KYAT3: variants seen among roughly 807,000 people sequenced by gnomAD.
KYAT3 encodes the protein kynurenine--oxoglutarate transaminase 3.
A neutral mutation model predicts 59.0 loss-of-function variants in KYAT3; 50 were observed. The ratio of observed to expected loss-of-function variants is 0.85; its 90% CI spans 0.68 to 1.07. KYAT3 has a LOEUF of 1.07. Among genes scored for constraint, KYAT3 ranks in the 50% least tolerant of loss-of-function variants. The probability of loss-of-function intolerance (pLI) is 0.00; values close to 1 mark genes in which losing one functional copy is unlikely to be tolerated. For synonymous variants in KYAT3, 148 were observed against 177.0 expected (o/e 0.84, Z 1.30); for missense variants, 497 against 533.3 (o/e 0.93, Z 0.67).
chr1:88,970,536 A>G (rs1190830035), intron 2 of KYAT3, among the ~76,000 whole-genome samples: 1 of 152,194 alleles, frequency 6.6e-6, no homozygotes, highest in Non-Finnish European at 1.5e-5. Context: ...TGTGTTTTAT[A>G]TAATAAGACC....
In KYAT3 at chr1:88,935,893, G is replaced by A; in HGVS notation, c.*290C>T. On this transcript the variant is annotated 3_prime_UTR_variant, in exon 14 of 14. Transcript: ENST00000260508. Reference sequence around the variant, plus strand: ...ACTGATTTTATTCCTATTTTATAATGAGAGAACCGAGTTACTGAGAGGTTA... The same window carrying A: ...ACTGATTTTATTCCTATTTTATAATAAGAGAACCGAGTTACTGAGAGGTTA... The A allele has an allele frequency of 2.4e-6, 1 of 413,670 alleles. No individual in the cohort carries two copies. The highest frequency in any genetic ancestry group is 4.3e-6 in the Non-Finnish European group (1 of 233,464). The allele number at this position is 413,670 out of a possible 1,614,324, so 25.6% of individuals were successfully genotyped here.
At chr1:88,985,039 T>C (rs1677368239) in intron 2 of KYAT3, among the ~76,000 whole-genome samples, 1 of 152,246 alleles carries the variant, frequency 6.6e-6, no homozygotes. Context: ...GAAAATTATA[T>C]TTTAACAATT....
intron 2 of KYAT3, among the ~76,000 whole-genome samples, chr1:88,975,090 G>C (rs1410643049): frequency 6.6e-6 from 1 of 152,118 alleles, no homozygotes; most frequent in East Asian, 1.9e-4. Context: ...ACATTAACCC[G>C]AGGGTCTGTG....
At chr1:88,949,474 A>G (rs552985008) in intron 10 of KYAT3, among the ~76,000 whole-genome samples, 197 bp from the exon 11 acceptor site, 1 of 152,240 alleles carries the variant, frequency 6.6e-6, no homozygotes, top group Non-Finnish European at 1.5e-5. Context: ...CTAAATGATT[A>G]AATCTCATGT....
In KYAT3 at chr1:88,962,637, T is replaced by A. The variant is rs143899160; in HGVS notation, c.454-492A>T. On this transcript the variant is annotated intron_variant, in intron 5 of 13. Coordinates refer to ENST00000260508, the MANE Select transcript of KYAT3 (RefSeq NM_001008661.3). Reference sequence around the variant, plus strand: ...AAAAGCATTATCTTGAGAGTAAAGATGTTTCTCTCTTCTCAAAAGCACGGT... The same window carrying A: ...AAAAGCATTATCTTGAGAGTAAAGAAGTTTCTCTCTTCTCAAAAGCACGGT... Among the ~76,000 whole-genome samples the A allele has an allele frequency of 6.4e-3, 973 of 152,308 alleles. 6 individuals are homozygous for A. Among genetic ancestry groups the A allele is most frequent in the Middle Eastern group, 0.034 (10 of 294 alleles).
chr1:88,924,771 A>G, the KYAT3 span, among the ~76,000 whole-genome samples: 9 of 152,178 alleles, frequency 5.9e-5, no homozygotes, highest in African/African-American at 2.2e-4. Flanking sequence ...GATTGGGCTA[A>G]AGGCTTGCCA....
the KYAT3 span, among the ~76,000 whole-genome samples, chr1:88,927,944 A>T: frequency 7.2e-5 from 11 of 152,130 alleles, no homozygotes; most frequent in Non-Finnish European, 1.6e-4. Flanking sequence ...TGATAGGATG[A>T]CAACAGAGGA....
intron 2 of KYAT3, chr1:88,983,937 G>A (rs1677279218): frequency 4.3e-6 from 5 of 1,168,166 alleles, no homozygotes; most frequent in Non-Finnish European, 6.3e-6. Flanking sequence ...CAGTTAGGAG[G>A]ACTGAACCGC....
At chr1:88,934,225 C>T (rs1188949101), downstream of KYAT3, among the ~76,000 whole-genome samples, 4 of 152,060 alleles carry the variant, frequency 2.6e-5, no homozygotes, top group Middle Eastern at 3.2e-3. Context: ...GAGGCTGAGG[C>T]GGGCGGATCA....
intron 13 of KYAT3, 89 bp from the exon 14 acceptor site, chr1:88,936,334 T>C (rs1675037752): frequency 9.9e-7 from 1 of 1,008,232 alleles, no homozygotes; most frequent in African/African-American, 1.6e-5. Context: ...TAATGAAGAT[T>C]TAAGTGAATA....
chr1:88,976,370 A>T (rs2810878), intron 2 of KYAT3, among the ~76,000 whole-genome samples: 2,743 of 151,312 alleles, frequency 0.018, 46 homozygotes, highest in Middle Eastern at 0.038. Flanking sequence ...AAAAAAAAAC[A>T]GTTCCTACTT....
intron 2 of KYAT3, among the ~76,000 whole-genome samples, chr1:88,977,678 A>C (rs12064259): frequency 0.031 from 4,787 of 152,306 alleles, 223 homozygotes; most frequent in African/African-American, 0.11. Flanking sequence ...ATAAGTATAC[A>C]ATGTTCATAA....
chr1:88,940,349 G>A (rs758402122), intron 13 of KYAT3, among the ~76,000 whole-genome samples: 1 of 152,176 alleles, frequency 6.6e-6, no homozygotes, highest in Non-Finnish European at 1.5e-5. Context: ...TGGGATTACA[G>A]GTGTGAGCCA....
chr1:88,989,836 C>T (rs182140568), intron 1 of KYAT3, among the ~76,000 whole-genome samples: 1 of 152,284 alleles, frequency 6.6e-6, no homozygotes, highest in African/African-American at 2.4e-5. Flanking sequence ...CTGTCTTCTA[C>T]AGCACATTAC....
At chr1:88,942,164 A>C (rs1391799242) in intron 13 of KYAT3, among the ~76,000 whole-genome samples, 1 of 151,950 alleles carries the variant, frequency 6.6e-6, no homozygotes, top group Admixed American at 6.6e-5. Flanking sequence ...ATCTGTATTC[A>C]AGTTAACCCT....
intron 2 of KYAT3, among the ~76,000 whole-genome samples, chr1:88,976,029 A>C (rs558886299): frequency 1.4e-5 from 2 of 141,396 alleles, no homozygotes; most frequent in South Asian, 2.3e-4. Context: ...GCGAGACTCC[A>C]TCTCAAGAAA....
At chr1:88,981,574 A>G (rs1677092957) in intron 2 of KYAT3, 1 of 156,772 alleles carries the variant, frequency 6.4e-6, no homozygotes, top group Non-Finnish European at 1.5e-5. Flanking sequence ...TTGAAGGCAA[A>G]ATCTATTGCC....
intron 8 of KYAT3, among the ~76,000 whole-genome samples, chr1:88,956,908 C>T (rs900719285): frequency 3.9e-5 from 6 of 152,190 alleles, no homozygotes; most frequent in African/African-American, 1.4e-4. Flanking sequence ...ATGCAACCCA[C>T]AAGTTTTTCC....
intron 13 of KYAT3, among the ~76,000 whole-genome samples, chr1:88,940,932 C>T (rs1675213089): frequency 6.6e-6 from 1 of 152,220 alleles, no homozygotes; most frequent in Admixed American, 6.5e-5. Context: ...AAGCAGGATC[C>T]TTTCTAGGGA....
Sources: allele counts gnomAD v4.1 joint callset (sites outside exome capture counted in the v4.1 genomes callset), GRCh38; gene constraint gnomAD v4.1.1; transcripts MANE v1.5; gene names NCBI Gene and HGNC (gene_info 2026-07-23, HGNC 2026-07-21).